Variants in CNDP1 observed in about 807,000 individuals in gnomAD.
CNDP1 encodes beta-Ala-His dipeptidase.
In CNDP1, 44 loss-of-function variants were observed where a neutral mutation model predicts 58.1. That is an observed-to-expected ratio of 0.76 (90% CI 0.60 to 0.97). The LOEUF is 0.97. CNDP1 is among the 50% of genes least tolerant of loss of function. CNDP1 has a pLI of 0.00. For missense variants in CNDP1, 616 were observed against 655.1 expected (o/e 0.94, Z 0.65); for synonymous variants, 254 against 252.6 (o/e 1.01, Z -0.05).
chr18:74,559,669 G>T (rs1410754625), intron 3 of CNDP1, among the ~76,000 whole-genome samples, 197 bp downstream of exon 3: 1 of 152,170 alleles, frequency 6.6e-6, no homozygotes, highest in Non-Finnish European at 1.5e-5. Context: ...CAGGACTCTG[G>T]GGAGGGGTTG....
At position 74,578,183 on chromosome 18, in the gene CNDP1, C is replaced by G. The variant is rs138952228; in HGVS notation, c.1023C>G (p.Leu341=). 2 of 1,613,700 alleles carry G rather than the reference C, an allele frequency of 1.2e-6. No individual in the cohort carries two copies. The highest frequency in any genetic ancestry group is 2.2e-5 in the East Asian group (1 of 44,876). The change falls in exon 9 of 12, where the codon CTC becomes CTG. Residue 341 remains leucine, a synonymous_variant. Coordinates refer to ENST00000358821, the MANE Select transcript of CNDP1 (RefSeq NM_032649.6). The part of the protein sequence containing the change: ...FDTKEEILMH[L]WRYPSLSIHG... Reference sequence around the variant, plus strand: ...TATAGGAGGAGATTCTAATGCACCTCTGGAGGTACCCATCTCTTTCTATTC... The same window carrying G: ...TATAGGAGGAGATTCTAATGCACCTGTGGAGGTACCCATCTCTTTCTATTC...
chr18:74,581,327 ATGGACCCTTGCTCC>A (rs774966143), intron 10 of CNDP1, among the ~76,000 whole-genome samples: 1 of 151,304 alleles, frequency 6.6e-6, no homozygotes, highest in Non-Finnish European at 1.5e-5. Flanking sequence ...ATTTTTAACC[ATGGACCCTTGCTCC>A]TGTGGGTTTG....
intron 1 of CNDP1, among the ~76,000 whole-genome samples, chr18:74,554,014 C>A (rs1277898145): frequency 6.6e-6 from 1 of 152,178 alleles, no homozygotes; most frequent in Admixed American, 6.5e-5. Flanking sequence ...GCTCCCAGTC[C>A]CTGATGACAG....
intron 1 of CNDP1, among the ~76,000 whole-genome samples, chr18:74,541,062 A>C (rs1289448563): frequency 6.6e-6 from 1 of 152,176 alleles, no homozygotes; most frequent in African/African-American, 2.4e-5. Flanking sequence ...GAGGCCTGCG[A>C]GTTGTTGGGC....
At position 74,559,385 on chromosome 18, in the gene CNDP1, A is replaced by T; in HGVS notation, c.216A>T (p.Gln72His). ...TCCAGCCTGTGCCTCGCTTCAGACAAGAGCTCTTCAGAATGATGGCCGTGG... is the reference window on the plus strand; with the variant it reads ...TCCAGCCTGTGCCTCGCTTCAGACATGAGCTCTTCAGAATGATGGCCGTGG... Reference protein sequence around the residue: ...DSVQPVPRFRQELFRMMAVAA... With the variant: ...DSVQPVPRFRHELFRMMAVAA... Residue 72 changes from glutamine (Q) to histidine (H), a missense_variant, in exon 3 of 12, where the codon CAA becomes CAT. Gln to His is a conservative substitution (Grantham distance 24). Transcript: ENST00000358821. 6.2e-7 allele frequency: 1 copy of T among 1,611,994 alleles called. No individual in the cohort carries two copies. Among genetic ancestry groups the T allele is most frequent in the Non-Finnish European group, 8.5e-7 (1 of 1,178,592 alleles).
chr18:74,556,303 T>C, intron 1 of CNDP1, 35 bp from the exon 2 acceptor site: 1 of 1,601,024 alleles, frequency 6.2e-7, no homozygotes, highest in Non-Finnish European at 8.5e-7. Flanking sequence ...CTGGCATTGA[T>C]TTTCATTCGT....
intron 7 of CNDP1, among the ~76,000 whole-genome samples, chr18:74,573,094 A>C (rs550442169): frequency 6.6e-6 from 1 of 152,250 alleles, no homozygotes; most frequent in South Asian, 2.1e-4. Flanking sequence ...TCCATCTATT[A>C]TCTATCCATC....
At chr18:74,561,912 T>G in intron 4 of CNDP1, 135 bp from the exon 5 acceptor site, 1 of 680,712 alleles carries the variant, frequency 1.5e-6, no homozygotes, top group South Asian at 1.7e-5. Context: ...CTTTGCAATT[T>G]CATGCAAGAT....
rs1293132394 is a variant in CNDP1, at chr18:74,545,182, G to A, written c.24+10491G>A. 6.6e-6 allele frequency among the ~76,000 whole-genome samples: 1 copy of A among 152,192 alleles called. No homozygotes were observed. Among genetic ancestry groups the A allele is most frequent in the African/African-American group, 2.4e-5 (1 of 41,452 alleles). On this transcript the variant is annotated intron_variant, in intron 1 of 11. Coordinates refer to ENST00000358821, the MANE Select transcript of CNDP1 (RefSeq NM_032649.6). The surrounding 1 kb of genome is among the most constrained non-coding windows in gnomAD (Gnocchi z 4.1). ...CCCCGGTTTGGGATGCTTTGTTCCA[G>A]CAGCCTGAGGAAGCTAGTGGAGACC...
intron 4 of CNDP1, 94 bp from the exon 5 acceptor site, chr18:74,561,953 T>C: frequency 1.0e-6 from 1 of 978,490 alleles, no homozygotes; most frequent in Non-Finnish European, 1.6e-6. Context: ...TAGAAAGCAC[T>C]GTTAACATCA....
intron 2 of CNDP1, among the ~76,000 whole-genome samples, chr18:74,558,800 C>T (rs971854438): frequency 3.7e-4 from 56 of 152,160 alleles, no homozygotes; most frequent in Admixed American, 8.5e-4. Context: ...CCCGAGGTCA[C>T]AGTGCCTGTG....
intron 1 of CNDP1, among the ~76,000 whole-genome samples, chr18:74,555,805 G>A (rs1981023057): frequency 6.6e-6 from 1 of 152,118 alleles, no homozygotes; most frequent in South Asian, 2.1e-4. Flanking sequence ...GGGATTACAG[G>A]CATGAACCAC....
chr18:74,576,009 A>G (rs1429714480), intron 7 of CNDP1: 2 of 151,650 alleles, frequency 1.3e-5, no homozygotes, highest in Non-Finnish European at 2.9e-5. Context: ...AGCTGGGACT[A>G]CAGGCACGTG....
intron 9 of CNDP1, among the ~76,000 whole-genome samples, chr18:74,579,343 C>T (rs1253588189): frequency 6.9e-6 from 1 of 144,464 alleles, no homozygotes; most frequent in Non-Finnish European, 1.5e-5. Flanking sequence ...ATCCCCTCCC[C>T]CTCCCCTCCC....
chr18:74,579,203 G>C (rs113263974), intron 9 of CNDP1, among the ~76,000 whole-genome samples: 5,607 of 125,376 alleles, frequency 0.045, 141 homozygotes, highest in Middle Eastern at 0.082. Flanking sequence ...CCCTTCCCTT[G>C]CCTTCCCTTC....
At chr18:74,547,512 C>T (rs34570315) in intron 1 of CNDP1, among the ~76,000 whole-genome samples, 17,134 of 152,310 alleles carry the variant, frequency 0.11, 1,235 homozygotes, top group Non-Finnish European at 0.16. Flanking sequence ...TTTCCCACAG[C>T]ACCCCTGCTC....
intron 1 of CNDP1, among the ~76,000 whole-genome samples, chr18:74,547,159 T>A (rs1980781864): frequency 6.6e-6 from 1 of 152,226 alleles, no homozygotes; most frequent in South Asian, 2.1e-4. Flanking sequence ...TTGTTTAAAA[T>A]CCTGTGATGG....
chr18:74,581,310 C>T (rs1219477714), intron 10 of CNDP1, among the ~76,000 whole-genome samples: 6 of 150,890 alleles, frequency 4.0e-5, no homozygotes, highest in Admixed American at 3.3e-4. Context: ...CAAGGTCTCC[C>T]CTGAGAATTT....
At chr18:74,579,193 C>CCCTTCCCTTGCCTTCCCTTG (rs372841750) in intron 9 of CNDP1, among the ~76,000 whole-genome samples, 1 of 77,940 alleles carries the variant, frequency 1.3e-5, no homozygotes, top group African/African-American at 4.1e-5. Context: ...CCCTTTCCTT[C>CCCTTCCCTTGCCTTCCCTTG]CCTTCCCTTG....
Sources: gnomAD v4.1 joint callset for allele counts (sites outside exome capture counted in the v4.1 genomes callset) on GRCh38, gnomAD v4.1.1 for gene constraint, Gnocchi (gnomAD v3.1) non-coding constraint, MANE v1.5 for transcripts, NCBI Gene and HGNC (gene_info 2026-07-23, HGNC 2026-07-21) for gene names.